PRIMA1: variants seen among roughly 807,000 people sequenced by gnomAD.
PRIMA1 encodes proline-rich membrane anchor 1.
A neutral mutation model predicts 17.5 loss-of-function variants in PRIMA1; 7 were observed. The observed-to-expected ratio is 0.40, with a 90% confidence interval of 0.23 to 0.75. The LOEUF (loss-of-function observed/expected upper bound fraction) is 0.75, where lower values mean the gene tolerates loss of function less well. Ranked by LOEUF, PRIMA1 falls within the 30% of genes least tolerant of loss-of-function variation. The pLI is 0.37. For missense variants in PRIMA1, 200 were observed against 201.8 expected, an observed-to-expected ratio of 0.99 and a Z score of 0.05; for synonymous variants, 97 against 77.9, an observed-to-expected ratio of 1.25 and a Z score of -1.29.
rs571571793 is a variant in PRIMA1, at chr14:93,726,738, C to T, written c.360-5192G>A. On this transcript the variant is annotated intron_variant, in intron 4 of 4. Transcript: ENST00000393140. The surrounding 1 kb of genome is among the most constrained non-coding windows in gnomAD (Gnocchi z 4.2). ...GTACTTACACACACACATATATGTA[C>T]ACACAGGCACATACGCATAAATGTA... Among the ~76,000 whole-genome samples, 1 of 151,670 alleles carries T rather than the reference C, an allele frequency of 6.6e-6. No individual in the cohort carries two copies. Among genetic ancestry groups the T allele is most frequent in the South Asian group, 2.1e-4 (1 of 4,812 alleles).
chr14:93,773,379 T>C (rs1186061616), intron 3 of PRIMA1, among the ~76,000 whole-genome samples: 1 of 152,172 alleles, frequency 6.6e-6, no homozygotes, highest in Non-Finnish European at 1.5e-5. Flanking sequence ...GTTCTCAAAG[T>C]GTGCTCCTAC....
At chr14:93,743,484 G>C (rs936035431) in intron 3 of PRIMA1, among the ~76,000 whole-genome samples, 1 of 152,204 alleles carries the variant, frequency 6.6e-6, no homozygotes, top group Non-Finnish European at 1.5e-5. Context: ...GCCCAGCTCC[G>C]GGCCCATCAG....
intron 2 of PRIMA1, among the ~76,000 whole-genome samples, chr14:93,780,455 A>C (rs2141194854): frequency 6.6e-6 from 1 of 152,286 alleles, no homozygotes; most frequent in African/African-American, 2.4e-5. Flanking sequence ...GAATATGAAA[A>C]ACTGGGCCAC....
At chr14:93,723,603 A>G (rs2076056827) in intron 4 of PRIMA1, among the ~76,000 whole-genome samples, 1 of 152,222 alleles carries the variant, frequency 6.6e-6, no homozygotes, top group Admixed American at 6.5e-5. Flanking sequence ...CAGGTGGTCA[A>G]GCCCAGCCAC....
At chr14:93,778,609 G>A (rs1566978130) in intron 3 of PRIMA1, among the ~76,000 whole-genome samples, 1 of 152,226 alleles carries the variant, frequency 6.6e-6, no homozygotes, top group East Asian at 1.9e-4. Flanking sequence ...CCATGTAGAG[G>A]TCAGGGCTGA....
intron 3 of PRIMA1, among the ~76,000 whole-genome samples, chr14:93,759,094 C>A (rs771081775): frequency 3.3e-5 from 5 of 152,126 alleles, no homozygotes; most frequent in African/African-American, 7.2e-5. Flanking sequence ...CAACGGGGGT[C>A]ACTGAATTTT....
At chr14:93,757,856 C>T (rs187020139) in intron 3 of PRIMA1, among the ~76,000 whole-genome samples, 32 of 152,298 alleles carry the variant, frequency 2.1e-4, no homozygotes, top group Admixed American at 1.5e-3. Context: ...TGAAGAGAAC[C>T]CTGTGTGTGA....
intron 3 of PRIMA1, among the ~76,000 whole-genome samples, chr14:93,752,377 G>A (rs1393144906): frequency 6.6e-6 from 1 of 152,206 alleles, no homozygotes; most frequent in Non-Finnish European, 1.5e-5. Flanking sequence ...GCAAGCCAAC[G>A]CTCTGCTGAG....
chr14:93,785,429 C>G (rs1885497041), intron 2 of PRIMA1, among the ~76,000 whole-genome samples: 2 of 152,158 alleles, frequency 1.3e-5, no homozygotes, highest in South Asian at 4.1e-4. Flanking sequence ...TTGGGGGACC[C>G]CAGGTCTTTT....
intron 3 of PRIMA1, among the ~76,000 whole-genome samples, chr14:93,755,009 G>T (rs994015186): frequency 2.6e-5 from 4 of 152,196 alleles, no homozygotes; most frequent in Non-Finnish European, 4.4e-5. Context: ...GTGAGGTGAG[G>T]TCTCGAAAGC....
chr14:93,733,188 C>A (rs1003632886), intron 4 of PRIMA1, among the ~76,000 whole-genome samples: 5 of 152,212 alleles, frequency 3.3e-5, no homozygotes, highest in Admixed American at 6.5e-5. Context: ...CCCGCCCAGT[C>A]CCCTGGCCTG....
chr14:93,761,682 C>T (rs557149611), intron 3 of PRIMA1, among the ~76,000 whole-genome samples: 82 of 152,246 alleles, frequency 5.4e-4, no homozygotes, highest in East Asian at 1.7e-3. Flanking sequence ...TCTCTATTCC[C>T]GCCCCAGAAT....
intron 3 of PRIMA1, among the ~76,000 whole-genome samples, chr14:93,761,273 C>T (rs1399779634): frequency 6.6e-6 from 1 of 152,186 alleles, no homozygotes; most frequent in Non-Finnish European, 1.5e-5. Context: ...ATCGATTGAA[C>T]CCAGGAGGCA....
chr14:93,750,823 C>T (rs1308522424), intron 3 of PRIMA1, among the ~76,000 whole-genome samples: 1 of 152,090 alleles, frequency 6.6e-6, no homozygotes, highest in African/African-American at 2.4e-5. Context: ...GGCCCTTTAC[C>T]CCAAATGTCA....
chr14:93,748,074 A>ATG (rs566849846), intron 3 of PRIMA1, among the ~76,000 whole-genome samples: 2 of 150,420 alleles, frequency 1.3e-5, no homozygotes. Context: ...GTGAATGTGT[A>ATG]TGTGTGTGAG....
chr14:93,779,322 G>A lies in PRIMA1; in HGVS notation c.94-11C>T. ...CTCACCATGCGTCACCTGTACACATGGGCACACGTACCCAAGAGAGAGAGA... is the reference window on the plus strand; with the variant it reads ...CTCACCATGCGTCACCTGTACACATAGGCACACGTACCCAAGAGAGAGAGA... On this transcript the variant is annotated splice_polypyrimidine_tract_variant and intron_variant, in intron 2 of 4. Transcript: ENST00000393140. 2 of 1,544,962 alleles carry A rather than the reference G, an allele frequency of 1.3e-6. No homozygotes were observed. The highest frequency in any genetic ancestry group is 1.7e-6 in the Non-Finnish European group (2 of 1,152,144).
At chr14:93,764,021 A>G (rs1047483040) in intron 3 of PRIMA1, among the ~76,000 whole-genome samples, 1 of 151,892 alleles carries the variant, frequency 6.6e-6, no homozygotes, top group Non-Finnish European at 1.5e-5. Context: ...CTGATCAGAC[A>G]CTGGCACCCA....
At chr14:93,779,335 CAA>C (rs1491175004) in intron 2 of PRIMA1, 24 bp from the exon 3 acceptor site, 105 of 1,532,900 alleles carry the variant, frequency 6.8e-5, no homozygotes, top group South Asian at 4.0e-4. Flanking sequence ...CACACGTACC[CAA>C]GAGAGAGAGA....
intron 3 of PRIMA1, among the ~76,000 whole-genome samples, chr14:93,775,091 C>T (rs1039122495): frequency 2.0e-5 from 3 of 152,218 alleles, no homozygotes; most frequent in South Asian, 2.1e-4. Flanking sequence ...GGATGCCCAA[C>T]GCAGGGTTGG....
Sources: gnomAD v4.1 joint callset for allele counts (sites outside exome capture counted in the v4.1 genomes callset) on GRCh38, gnomAD v4.1.1 for gene constraint, Gnocchi (gnomAD v3.1) non-coding constraint, MANE v1.5 for transcripts, NCBI Gene and HGNC (gene_info 2026-07-23, HGNC 2026-07-21) for gene names.